Variants in NARS2 observed in about 807,000 individuals in gnomAD.
NARS2 encodes asparaginyl-tRNA synthetase.
A neutral mutation model predicts 62.9 loss-of-function variants in NARS2; 60 were observed. The observed-to-expected ratio is 0.95, with a 90% CI of 0.77 to 1.18. The LOEUF is 1.18. Among genes scored for constraint, NARS2 ranks in the 50% most tolerant of loss-of-function variants. The pLI is 0.00. For missense variants in NARS2, 619 were observed against 576.4 expected, an observed-to-expected ratio of 1.07 and a Z score of -0.76; for synonymous variants, 196 against 200.0, an observed-to-expected ratio of 0.98 and a Z score of 0.17.
intron 5 of NARS2, among the ~76,000 whole-genome samples, chr11:78,545,128 TTTTC>T (rs1206545599): frequency 2.6e-5 from 4 of 152,216 alleles, no homozygotes; most frequent in East Asian, 1.9e-4. Flanking sequence ...ATTATATTAC[TTTTC>T]TTTCTTTTTT....
intron 7 of NARS2, among the ~76,000 whole-genome samples, chr11:78,487,278 C>A (rs964825331): frequency 5.3e-5 from 8 of 151,166 alleles, no homozygotes; most frequent in Admixed American, 1.3e-4. Context: ...AATGCTTAAA[C>A]CCAGGAGGTG....
intron 4 of NARS2, among the ~76,000 whole-genome samples, chr11:78,559,855 C>T (rs971245763): frequency 1.3e-5 from 2 of 152,152 alleles, no homozygotes; most frequent in African/African-American, 4.8e-5. Context: ...ATCTTCATTT[C>T]AAAGATAAGG....
chr11:78,552,209 T>C (rs192164800), intron 5 of NARS2, among the ~76,000 whole-genome samples: 3 of 152,344 alleles, frequency 2.0e-5, no homozygotes, highest in East Asian at 3.9e-4. Flanking sequence ...TAAGTTCTTA[T>C]CATTTAGCTC....
rs1432527181 is a variant in NARS2, at chr11:78,528,913, A to G, written c.618T>C (p.Pro206=). ...CAGGAACATTGAAGAAATTCTCCTC[A>G]GGTACCTTAAGTTTGCCTGAAGGCT... The part of the protein sequence containing the change: ...QLEPSGKLKV[P]EENFFNVPAF... Residue 206 remains proline (P), a synonymous_variant, in exon 6 of 14, where the codon CCT becomes CCC. Transcript: ENST00000281038. 1 of 1,612,176 alleles carries G rather than the reference A, an allele frequency of 6.2e-7. No homozygotes were observed. The highest frequency in any genetic ancestry group is 2.2e-5 in the East Asian group (1 of 44,768).
chr11:78,479,703 A>C (rs115383567), intron 7 of NARS2, among the ~76,000 whole-genome samples: 2,476 of 152,342 alleles, frequency 0.016, 58 homozygotes, highest in African/African-American at 0.056. Context: ...AAAGGTGCAC[A>C]TATGTATAAA....
chr11:78,572,092 G>C (rs981002150), intron 1 of NARS2, among the ~76,000 whole-genome samples: 6 of 152,170 alleles, frequency 3.9e-5, no homozygotes, highest in African/African-American at 1.2e-4. Context: ...TGAGGCAGGA[G>C]AATCGCTTGA....
intron 11 of NARS2, among the ~76,000 whole-genome samples, chr11:78,457,797 A>AAC (rs10556136): frequency 0.025 from 3,737 of 148,494 alleles, 54 homozygotes; most frequent in Non-Finnish European, 0.034. Context: ...ATTATGTAAC[A>AAC]ACACACACAC....
chr11:78,496,173 G>T (rs555070951), intron 6 of NARS2, among the ~76,000 whole-genome samples: 1 of 152,128 alleles, frequency 6.6e-6, no homozygotes, highest in South Asian at 2.1e-4. Flanking sequence ...GAAAAATTGC[G>T]TAAGAAAGCA....
intron 4 of NARS2, among the ~76,000 whole-genome samples, chr11:78,561,065 AGCACT>A (rs1164579423): frequency 6.6e-6 from 1 of 152,194 alleles, no homozygotes; most frequent in Non-Finnish European, 1.5e-5. Flanking sequence ...CACAAGAAAC[AGCACT>A]GTAAATCTTA....
At chr11:78,501,192 A>C (rs1860270926) in intron 6 of NARS2, among the ~76,000 whole-genome samples, 1 of 152,232 alleles carries the variant, frequency 6.6e-6, no homozygotes, top group Non-Finnish European at 1.5e-5. Context: ...CAAAACAAAA[A>C]AATTAGTAAG....
rs539862723 is a variant in NARS2, at chr11:78,532,602, C to A, written c.595-3666G>T. Among the ~76,000 whole-genome samples the A allele has an allele frequency of 4.7e-4, 72 of 152,308 alleles. 1 individual carries two copies. The South Asian group carries it at 0.014, about 30-fold the overall frequency. On this transcript the variant is annotated intron_variant, in intron 5 of 13. Transcript: ENST00000281038. ...CCTAGCTCATACGGGCAAGTCACTA[C>A]AACTTTTGTTTCTTCCTATTACAGA...
At chr11:78,446,867 T>G (rs979767201) in intron 11 of NARS2, among the ~76,000 whole-genome samples, 6 of 152,202 alleles carry the variant, frequency 3.9e-5, no homozygotes, top group African/African-American at 1.4e-4. Context: ...CTAAAAAGTT[T>G]CTGCACAGCA....
At chr11:78,513,095 T>C (rs866662598) in intron 6 of NARS2, among the ~76,000 whole-genome samples, 1 of 151,560 alleles carries the variant, frequency 6.6e-6, no homozygotes, top group Non-Finnish European at 1.5e-5. Flanking sequence ...GCCAAAAATA[T>C]AAAAATTAGC....
intron 7 of NARS2, among the ~76,000 whole-genome samples, chr11:78,479,080 A>T (rs372772187): frequency 9.2e-5 from 14 of 152,320 alleles, no homozygotes; most frequent in African/African-American, 3.4e-4. Context: ...TTAGCTTAGT[A>T]CTGGCTCAGA....
rs575418508 is a variant in NARS2, at chr11:78,471,364, A to C, written c.960-2051T>G. Among the ~76,000 whole-genome samples, 18 of 152,272 alleles carry C rather than the reference A, an allele frequency of 1.2e-4. No individual in the cohort carries two copies. In the Middle Eastern group the frequency reaches 0.01, roughly 86 times the overall value. ...CATATGTTCCATCAAAACAAAAGAA[A>C]ATGGGCTCAACTGATTCTACCACTT... is the stretch of plus-strand genomic sequence containing the variant. On this transcript the variant is annotated intron_variant, in intron 9 of 13. Coordinates refer to ENST00000281038, the MANE Select transcript of NARS2 (RefSeq NM_024678.6).
At chr11:78,485,532 C>A (rs17753400) in intron 7 of NARS2, among the ~76,000 whole-genome samples, 2,830 of 152,148 alleles carry the variant, frequency 0.019, 34 homozygotes, top group Admixed American at 0.032. Flanking sequence ...ATTTTAGTTC[C>A]ATTTTTACCT....
chr11:78,566,215 G>A lies in NARS2; in HGVS notation c.430C>T (p.His144Tyr). The A allele has an allele frequency of 6.2e-7, 1 of 1,612,238 alleles. No individual in the cohort carries two copies. Among genetic ancestry groups the A allele is most frequent in the East Asian group, 2.2e-5 (1 of 44,858 alleles). ...AGAACGTTAGTCCTACACCTAAAGT[G>A]AGGATATTGTCGCAGATACTCCAGA... ...HPLEYLRQYPHFRCRTNVLGS... is the reference protein window; with the variant it reads ...HPLEYLRQYPYFRCRTNVLGS... Residue 144 changes from histidine to tyrosine, a missense_variant, in exon 4 of 14, where the codon CAC becomes TAC. Physicochemically the swap from His to Tyr is moderately conservative, Grantham distance 83. Transcript: ENST00000281038.
intron 11 of NARS2, among the ~76,000 whole-genome samples, chr11:78,463,735 A>AAAC (rs1858491990): frequency 1.3e-5 from 2 of 150,880 alleles, no homozygotes; most frequent in African/African-American, 4.9e-5. Context: ...AAAAAAAAAA[A>AAAC]AACCACAGGA....
At chr11:78,500,014 T>C (rs1423250995) in intron 6 of NARS2, among the ~76,000 whole-genome samples, 1 of 152,216 alleles carries the variant, frequency 6.6e-6, no homozygotes, top group Non-Finnish European at 1.5e-5. Context: ...AACATGTAAG[T>C]ACTTTACTTT....
Sources: gnomAD v4.1 joint callset for allele counts (sites outside exome capture counted in the v4.1 genomes callset) on GRCh38, gnomAD v4.1.1 for gene constraint, MANE v1.5 for transcripts, NCBI Gene and HGNC (gene_info 2026-07-23, HGNC 2026-07-21) for gene names.